RPGRIP1L: variants seen among roughly 807,000 people sequenced by gnomAD.
The protein encoded by RPGRIP1L is RPGRIP1 like.
Under a neutral mutation model 160.4 loss-of-function variants are expected in RPGRIP1L, and 131 were observed. The observed-to-expected ratio is 0.82, with a 90% CI of 0.71 to 0.94. RPGRIP1L has a LOEUF of 0.94. RPGRIP1L is among the 40% of genes least tolerant of loss of function. The probability of loss-of-function intolerance (pLI) is 0.00; values close to 1 mark genes in which losing one functional copy is unlikely to be tolerated. For synonymous variants in RPGRIP1L, 510 were observed against 515.8 expected, an observed-to-expected ratio of 0.99 and a Z score of 0.15; for missense variants, 1,522 against 1,535.8, an observed-to-expected ratio of 0.99 and a Z score of 0.15.
intron 7 of RPGRIP1L, among the ~76,000 whole-genome samples, chr16:53,673,242 G>C (rs1332516030): frequency 6.6e-6 from 1 of 152,144 alleles, no homozygotes; most frequent in African/African-American, 2.4e-5. Flanking sequence ...GGTTATCTTA[G>C]CATAGAGTCA....
chr16:53,606,763 G>C (rs936287773), intron 25 of RPGRIP1L, among the ~76,000 whole-genome samples: 1 of 151,998 alleles, frequency 6.6e-6, no homozygotes, highest in East Asian at 1.9e-4. Context: ...ACAGGTGCCC[G>C]CCACCACATC....
intron 24 of RPGRIP1L, among the ~76,000 whole-genome samples, chr16:53,615,576 C>T (rs138562467): frequency 0.032 from 4,731 of 148,598 alleles, 157 homozygotes; most frequent in East Asian, 0.14. Flanking sequence ...TGGGTTCAAG[C>T]GATTCTCCTG....
chr16:53,604,544 T>C (rs998808325), intron 26 of RPGRIP1L, among the ~76,000 whole-genome samples: 2 of 152,184 alleles, frequency 1.3e-5, no homozygotes, highest in African/African-American at 4.8e-5. Context: ...ACGTTCTAAA[T>C]ACAGAAGAAT....
intron 3 of RPGRIP1L, among the ~76,000 whole-genome samples, chr16:53,692,940 G>A (rs1385150631): frequency 1.3e-5 from 2 of 152,188 alleles, no homozygotes; most frequent in Non-Finnish European, 1.5e-5. Flanking sequence ...AAACACTTGT[G>A]TTTAATGGTA....
At chr16:53,613,194 T>G (rs763293560) in intron 24 of RPGRIP1L, among the ~76,000 whole-genome samples, 1 of 152,276 alleles carries the variant, frequency 6.6e-6, no homozygotes, top group Non-Finnish European at 1.5e-5. Context: ...TTGACTATTA[T>G]GGATAATGCT....
At chr16:53,670,824 G>C (rs547864270) in intron 9 of RPGRIP1L, among the ~76,000 whole-genome samples, 1 of 152,314 alleles carries the variant, frequency 6.6e-6, no homozygotes, top group South Asian at 2.1e-4. Flanking sequence ...GCTGGGCGCA[G>C]TGGCTCACCC....
intron 6 of RPGRIP1L, among the ~76,000 whole-genome samples, chr16:53,683,850 A>G (rs1320417697): frequency 6.6e-6 from 1 of 152,204 alleles, no homozygotes; most frequent in Non-Finnish European, 1.5e-5. Context: ...GAAATAAAAT[A>G]TCGTACATTA....
rs539586959 is a variant in RPGRIP1L at position 53,698,335 on chromosome 16, G to A, written c.86-2040C>T. ...AGGGAGGTGGGGGGGTCAGCCCCCC[G>A]CCCGGCCAGCCACCCCGTCCGGGAG... On this transcript the variant is annotated intron_variant, in intron 2 of 26. Coordinates refer to ENST00000647211, the MANE Select transcript of RPGRIP1L (RefSeq NM_015272.5). Among the ~76,000 whole-genome samples the A allele has an allele frequency of 4.6e-3, 628 of 137,380 alleles. 4 individuals carry two copies. Among genetic ancestry groups the A allele is most frequent in the Middle Eastern group, 0.027 (6 of 224 alleles). The allele number at this position is 137,380 out of a possible 152,430, so 90.1% of individuals were successfully genotyped here. A position where few individuals can be genotyped will look rare whatever the true frequency, so the allele number is the denominator to read the frequency against.
chr16:53,670,026 C>T (rs913195794), intron 9 of RPGRIP1L, among the ~76,000 whole-genome samples: 1 of 152,092 alleles, frequency 6.6e-6, no homozygotes, highest in African/African-American at 2.4e-5. Flanking sequence ...AATTTGTATA[C>T]TGACATTTAA....
At chr16:53,659,977 T>C (rs1014766234) in intron 10 of RPGRIP1L, 1 of 152,134 alleles carries the variant, frequency 6.6e-6, no homozygotes, top group Non-Finnish European at 1.5e-5. Flanking sequence ...AATGGAATAA[T>C]GGTTATGCTT....
chr16:53,677,300 C>T (rs1450608741), intron 6 of RPGRIP1L, among the ~76,000 whole-genome samples: 1 of 152,110 alleles, frequency 6.6e-6, no homozygotes, highest in Middle Eastern at 3.2e-3. Flanking sequence ...TAAGTAACAA[C>T]GTGGTATAAT....
At chr16:53,645,037 T>C (rs1182697647) in intron 17 of RPGRIP1L, among the ~76,000 whole-genome samples, 3 of 152,146 alleles carry the variant, frequency 2.0e-5, no homozygotes, top group Non-Finnish European at 2.9e-5. Context: ...AGACCAAATA[T>C]ATGGTGACAG....
intron 22 of RPGRIP1L, among the ~76,000 whole-genome samples, chr16:53,625,510 T>G: frequency 7.7e-6 from 1 of 130,522 alleles, no homozygotes; most frequent in East Asian, 2.7e-4. Flanking sequence ...GGCCGCCCCG[T>G]CTAGGGGGTG....
intron 18 of RPGRIP1L, 67 bp from the exon 19 acceptor site, chr16:53,641,183 C>T (rs534198603): frequency 2.0e-6 from 3 of 1,521,176 alleles, no homozygotes; most frequent in African/African-American, 2.8e-5. Context: ...AAGACTTTAG[C>T]TATTATTATT....
chr16:53,629,790 T>C (rs1345625738), intron 22 of RPGRIP1L, among the ~76,000 whole-genome samples: 3 of 152,156 alleles, frequency 2.0e-5, no homozygotes, highest in Admixed American at 2.0e-4. Context: ...TGCAGCTATA[T>C]GGTATTCAAC....
chr16:53,613,776 G>A lies in RPGRIP1L; in HGVS notation c.3617-2725C>T, dbSNP rs1313416860. ...ACAAAAATGATTGCCACTATTTACT[G>A]GGTACTATTTATGTGCTAGGTACTA... On this transcript the variant is annotated intron_variant, in intron 24 of 26. Coordinates refer to ENST00000647211, the MANE Select transcript of RPGRIP1L (RefSeq NM_015272.5). Among the ~76,000 whole-genome samples the A allele has an allele frequency of 2.6e-5, 4 of 152,056 alleles. No homozygotes were observed. The East Asian group carries it at 5.8e-4, about 22-fold the overall frequency.
In RPGRIP1L at chr16:53,652,576, A is replaced by G. The variant is rs1246580946; in HGVS notation, c.2111T>C (p.Leu704Pro). Residue 704 changes from leucine (L) to proline (P), a missense_variant, in exon 15 of 27, where the codon CTT becomes CCT. Coordinates refer to ENST00000647211, the MANE Select transcript of RPGRIP1L (RefSeq NM_015272.5). The part of the protein sequence containing the change: ...AACQLKFHEI[L>P]EKSGRIFCTA... ...ACAAAATATTCGGCCGCTTTTTTCA[A>G]GAATTTCGTGAAATTTTAATTGACA... 2 of 1,614,120 alleles carry G rather than the reference A, an allele frequency of 1.2e-6. No homozygotes were observed. Among genetic ancestry groups the G allele is most frequent in the South Asian group, 2.2e-5 (2 of 91,084 alleles).
intron 4 of RPGRIP1L, among the ~76,000 whole-genome samples, chr16:53,690,151 CTAAT>C (rs1970286068): frequency 6.6e-6 from 1 of 152,264 alleles, no homozygotes; most frequent in Admixed American, 6.5e-5. Flanking sequence ...GTTAAATGAT[CTAAT>C]TAGACTTCAG....
intron 24 of RPGRIP1L, among the ~76,000 whole-genome samples, chr16:53,613,799 C>T (rs141303528): frequency 6.6e-6 from 1 of 152,242 alleles, no homozygotes; most frequent in East Asian, 1.9e-4. Flanking sequence ...GTGCTAGGTA[C>T]TACACTAAAT....
Sources: gnomAD v4.1 joint callset for allele counts (sites outside exome capture counted in the v4.1 genomes callset) on GRCh38, gnomAD v4.1.1 for gene constraint, MANE v1.5 for transcripts, NCBI Gene and HGNC (gene_info 2026-07-23, HGNC 2026-07-21) for gene names.